Variants in DPP10 observed in about 807,000 individuals in gnomAD.
The protein encoded by DPP10 is dipeptidyl peptidase like 10.
DPP10 carries 33 observed loss-of-function variants against 120.9 expected under a neutral mutation model. The observed-to-expected ratio is 0.27, with a 90% CI of 0.21 to 0.37. The LOEUF is 0.37. Ranked by LOEUF, DPP10 falls within the 10% of genes least tolerant of loss-of-function variation. DPP10 has a pLI of 1.00. For synonymous variants in DPP10, 337 were observed against 326.1 expected, an observed-to-expected ratio of 1.03 and a Z score of -0.36; for missense variants, 816 against 942.8, an observed-to-expected ratio of 0.87 and a Z score of 1.76.
intron 1 of DPP10, among the ~76,000 whole-genome samples, chr2:115,045,240 C>T (rs570986381): frequency 4.9e-4 from 74 of 152,252 alleles, no homozygotes; most frequent in African/African-American, 1.6e-3. Context: ...ATATGACATG[C>T]CATTCTCTCC....
At chr2:115,129,691 C>G (rs1013745564) in intron 1 of DPP10, among the ~76,000 whole-genome samples, 52 of 152,146 alleles carry the variant, frequency 3.4e-4, no homozygotes, top group Non-Finnish European at 5.3e-4. Flanking sequence ...ACCTGATAGC[C>G]CATTTTGCTG....
Position 114,882,524 on chromosome 2 carries a change from A to G in DPP10, c.61-426715A>G, listed in dbSNP as rs552707943. On this transcript the variant is annotated intron_variant, in intron 1 of 25. Transcript: ENST00000410059. The stretch of plus-strand genomic sequence containing the variant: ...CTATGGAAGAAGAAGAAAGGTGGGA[A>G]GGGTGGGAGGGGAGGTGAGGGCTAA... 5.7e-4 allele frequency among the ~76,000 whole-genome samples: 82 copies of G among 143,104 alleles called. 1 individual carries two copies. The highest frequency in any genetic ancestry group is 3.1e-5 in the Non-Finnish European group (2 of 64,828). The allele number at this position is 143,104 out of a possible 152,430, so 93.9% of individuals were successfully genotyped here.
chr2:115,837,407 T>G (rs1041789026), intron 24 of DPP10, among the ~76,000 whole-genome samples: 3 of 152,164 alleles, frequency 2.0e-5, no homozygotes, highest in African/African-American at 4.8e-5. Context: ...AGCTGAATAT[T>G]TATAGCTTCA....
intron 1 of DPP10, among the ~76,000 whole-genome samples, chr2:114,966,232 G>A (rs1699023100): frequency 1.3e-5 from 2 of 152,194 alleles, no homozygotes; most frequent in Middle Eastern, 6.8e-3. Flanking sequence ...GGTTTGGTTT[G>A]TTCTTGCCCA....
chr2:115,260,071 A>G (rs999244128), intron 1 of DPP10, among the ~76,000 whole-genome samples: 1 of 151,206 alleles, frequency 6.6e-6, no homozygotes, highest in African/African-American at 2.4e-5. Flanking sequence ...TTTCCATAAA[A>G]CAACACTTCT....
intron 1 of DPP10, among the ~76,000 whole-genome samples, chr2:114,541,983 T>C (rs886091981): frequency 2.0e-5 from 3 of 151,420 alleles, no homozygotes; most frequent in Non-Finnish European, 4.4e-5. Context: ...CAATGGGAGA[T>C]TTTTTTTAAA....
At chr2:114,930,366 A>G (rs1695976236) in intron 1 of DPP10, among the ~76,000 whole-genome samples, 1 of 152,206 alleles carries the variant, frequency 6.6e-6, no homozygotes, top group Non-Finnish European at 1.5e-5. Flanking sequence ...AGCAATTGAA[A>G]GCAGCCATGT....
intron 1 of DPP10, among the ~76,000 whole-genome samples, chr2:114,766,358 C>T (rs1050893120): frequency 4.6e-5 from 7 of 152,106 alleles, no homozygotes; most frequent in African/African-American, 1.4e-4. Context: ...TAAAATGATA[C>T]AGCTACTCTG....
chr2:114,514,170 G>T (rs1684400606), intron 1 of DPP10, among the ~76,000 whole-genome samples: 1 of 152,140 alleles, frequency 6.6e-6, no homozygotes, highest in South Asian at 2.1e-4. Context: ...GAAATAATTT[G>T]CTCGTGGCTA....
intron 1 of DPP10, among the ~76,000 whole-genome samples, chr2:115,210,692 C>A (rs1038445671): frequency 1.3e-5 from 2 of 152,234 alleles, no homozygotes; most frequent in Non-Finnish European, 2.9e-5. Flanking sequence ...TGTTTCCTGA[C>A]TTTTTAATGA....
chr2:115,737,015 G>A (rs1676607955), intron 8 of DPP10, among the ~76,000 whole-genome samples: 1 of 152,058 alleles, frequency 6.6e-6, no homozygotes, highest in Non-Finnish European at 1.5e-5. Flanking sequence ...GAAGTATTCT[G>A]TTCAAAATCT....
At chr2:114,626,506 T>C (rs1347408968) in intron 1 of DPP10, among the ~76,000 whole-genome samples, 1 of 152,056 alleles carries the variant, frequency 6.6e-6, no homozygotes, top group African/African-American at 2.4e-5. Context: ...AAAATGTTGG[T>C]TGAGCTGCCA....
chr2:115,580,569 C>T (rs1319388992), intron 5 of DPP10, among the ~76,000 whole-genome samples: 1 of 152,068 alleles, frequency 6.6e-6, no homozygotes, highest in African/African-American at 2.4e-5. Flanking sequence ...CGCTGGCTTC[C>T]CTGTGGATCT....
chr2:114,574,425 T>A (rs1689901450), intron 1 of DPP10, among the ~76,000 whole-genome samples: 1 of 152,168 alleles, frequency 6.6e-6, no homozygotes, highest in Non-Finnish European at 1.5e-5. Flanking sequence ...AAAGAGAAGC[T>A]AATGGCTGAC....
intron 3 of DPP10, among the ~76,000 whole-genome samples, chr2:115,412,091 G>A (rs1350542188): frequency 6.6e-6 from 1 of 152,058 alleles, no homozygotes; most frequent in East Asian, 1.9e-4. Context: ...TGATTTAAGG[G>A]GAAATGAGAT....
chr2:114,860,413 A>G (rs1467101592), intron 1 of DPP10, among the ~76,000 whole-genome samples: 2 of 152,206 alleles, frequency 1.3e-5, no homozygotes, highest in African/African-American at 4.8e-5. Flanking sequence ...GGATTACAGA[A>G]TAAACGCCTT....
intron 1 of DPP10, among the ~76,000 whole-genome samples, chr2:115,046,958 T>C (rs907414726): frequency 1.3e-5 from 2 of 152,102 alleles, no homozygotes; most frequent in Non-Finnish European, 2.9e-5. Flanking sequence ...TTTTTTGTTT[T>C]ATAAGCTTCA....
rs541980291 is a variant in DPP10, at chr2:115,739,875, G to A, written c.834G>A (p.Lys278=). Residue 278 remains lysine (K), a synonymous_variant, in exon 9 of 26, where the codon AAG becomes AAA. Transcript: ENST00000410059. ...CTGGAGCGTTGTATCCCAAAGGAAA[G>A]CAGTATCCGTATCCTAAGGTAAGTA... is the stretch of plus-strand genomic sequence containing the variant. The part of the protein sequence containing the change: ...RFTGALYPKG[K]QYPYPKAGQV... 1.1e-5 allele frequency: 18 copies of A among 1,613,246 alleles called. No individual in the cohort carries two copies. Among genetic ancestry groups the A allele is most frequent in the South Asian group, 3.3e-5 (3 of 91,068 alleles).
chr2:114,780,052 T>C lies in DPP10; in HGVS notation c.60+337214T>C, dbSNP rs187252675. On this transcript the variant is annotated intron_variant, in intron 1 of 25. Coordinates refer to ENST00000410059, the MANE Select transcript of DPP10 (RefSeq NM_020868.6). Reference sequence around the variant, plus strand: ...TCGGGAGGCTGAGGCAGGAGAATGGTGTGAACCCGGGAGGCGTAGCTTGCA... The same window carrying C: ...TCGGGAGGCTGAGGCAGGAGAATGGCGTGAACCCGGGAGGCGTAGCTTGCA... Among the ~76,000 whole-genome samples, 1,397 of 151,780 alleles carry C rather than the reference T, an allele frequency of 9.2e-3. 16 individuals carry two copies. Among genetic ancestry groups the C allele is most frequent in the African/African-American group, 0.032 (1,335 of 41,448 alleles).
Sources: gnomAD v4.1 joint callset for allele counts (sites outside exome capture counted in the v4.1 genomes callset) on GRCh38, gnomAD v4.1.1 for gene constraint, MANE v1.5 for transcripts, NCBI Gene and HGNC (gene_info 2026-07-23, HGNC 2026-07-21) for gene names.